BTC: variants seen among roughly 807,000 people sequenced by gnomAD.
BTC encodes the protein betacellulin, also known as probetacellulin.
BTC carries 13 observed loss-of-function variants against 18.1 expected under a neutral mutation model. That is an observed-to-expected ratio of 0.72 (90% CI 0.47 to 1.14). The LOEUF (loss-of-function observed/expected upper bound fraction) is 1.14, where lower values mean the gene tolerates loss of function less well. Among genes scored for constraint, BTC ranks in the 50% most tolerant of loss-of-function variants. BTC has a pLI of 0.00. For synonymous variants in BTC, 83 were observed against 79.4 expected (o/e 1.05, Z -0.24); for missense variants, 247 against 224.2 (o/e 1.10, Z -0.65).
intron 1 of BTC, among the ~76,000 whole-genome samples, chr4:74,779,301 A>C: frequency 6.6e-6 from 1 of 152,198 alleles, no homozygotes; most frequent in East Asian, 1.9e-4. Flanking sequence ...CAGGTATCTG[A>C]AAACTGTCAA....
chr4:74,763,239 G>A (rs916805091), intron 2 of BTC, among the ~76,000 whole-genome samples: 3 of 152,032 alleles, frequency 2.0e-5, no homozygotes, highest in African/African-American at 7.2e-5. Context: ...TTTAAGCAAA[G>A]TGATCTTCCA....
At chr4:74,763,651 G>C (rs1310249609) in intron 2 of BTC, among the ~76,000 whole-genome samples, 2 of 152,024 alleles carry the variant, frequency 1.3e-5, no homozygotes, top group Non-Finnish European at 2.9e-5. Context: ...TACAACAGTA[G>C]TGAGAAAAAA....
intron 1 of BTC, among the ~76,000 whole-genome samples, chr4:74,793,772 G>A (rs1402736285): frequency 6.6e-6 from 1 of 152,092 alleles, no homozygotes; most frequent in Non-Finnish European, 1.5e-5. Flanking sequence ...AACGCCAGGT[G>A]ATCACACCTT....
chr4:74,773,392 A>C (rs943099548), intron 1 of BTC, among the ~76,000 whole-genome samples: 10 of 152,166 alleles, frequency 6.6e-5, no homozygotes, highest in Non-Finnish European at 2.9e-5. Context: ...TGTGATCTGT[A>C]AAAAGAGACT....
At chr4:74,778,258 A>G (rs1725229163) in intron 1 of BTC, among the ~76,000 whole-genome samples, 1 of 152,096 alleles carries the variant, frequency 6.6e-6, no homozygotes, top group Non-Finnish European at 1.5e-5. Flanking sequence ...TTTTGTTTCT[A>G]AATGTATTTG....
Position 74,782,295 on chromosome 4 carries a change from C to A in BTC, c.64+11967G>T, listed in dbSNP as rs371701013. On this transcript the variant is annotated intron_variant, in intron 1 of 5. Transcript: ENST00000395743. ...GACAGGCCCCAGTGTGTGTTGTTAC[C>A]CACTATGTGTCCATGTGTTCACATC... 2.1e-4 allele frequency among the ~76,000 whole-genome samples: 32 copies of A among 152,184 alleles called. No homozygotes were observed. In the South Asian group the frequency reaches 6.2e-3, roughly 30 times the overall value.
At chr4:74,753,778 A>T (rs1255300108) in intron 3 of BTC, among the ~76,000 whole-genome samples, 1 of 152,106 alleles carries the variant, frequency 6.6e-6, no homozygotes, top group African/African-American at 2.4e-5. Flanking sequence ...TTAGCCTAGG[A>T]GTTTGAGTCT....
At chr4:74,778,848 G>A (rs530494264) in intron 1 of BTC, among the ~76,000 whole-genome samples, 2 of 152,292 alleles carry the variant, frequency 1.3e-5, no homozygotes, top group Admixed American at 1.3e-4. Context: ...AAGACTCTTA[G>A]GAGGTGCACA....
intron 4 of BTC, 142 bp downstream of exon 4, chr4:74,750,431 T>C: frequency 1.3e-6 from 1 of 793,734 alleles, no homozygotes; most frequent in South Asian, 2.2e-5. Flanking sequence ...TACTTCTATA[T>C]CAACAATGGC....
In BTC at chr4:74,778,027, G is replaced by A. The variant is rs78059478; in HGVS notation, c.65-7871C>T. Among the ~76,000 whole-genome samples the A allele has an allele frequency of 3.5e-3, 531 of 150,508 alleles. 3 individuals are homozygous for A. The highest frequency in any genetic ancestry group is 0.012 in the African/African-American group (490 of 40,340). On this transcript the variant is annotated intron_variant, in intron 1 of 5. Transcript: ENST00000395743. ...AGTCCAAAAAGAGACCCTATCTAAC[G>A]TGGAGTTTGAAAAAAAAAATAGGGA... is the stretch of plus-strand genomic sequence containing the variant.
chr4:74,748,284 C>CA (rs1245270832), intron 4 of BTC, 135 bp from the exon 5 acceptor site: 8 of 511,258 alleles, frequency 1.6e-5, no homozygotes, highest in East Asian at 1.4e-4. Flanking sequence ...CGCAGTGGCT[C>CA]ACGCCTGTAA....
chr4:74,761,329 C>T (rs1724751897), intron 2 of BTC, among the ~76,000 whole-genome samples: 1 of 152,152 alleles, frequency 6.6e-6, no homozygotes, highest in African/African-American at 2.4e-5. Flanking sequence ...TCCTCGCCTC[C>T]CTGAACCTCT....
intron 5 of BTC, 65 bp from the exon 6 acceptor site, chr4:74,746,740 T>C (rs1340440217): frequency 6.6e-6 from 1 of 152,434 alleles, no homozygotes; most frequent in African/African-American, 2.4e-5. Flanking sequence ...ATAATAATAA[T>C]TTAAAAATCC....
intron 1 of BTC, among the ~76,000 whole-genome samples, chr4:74,781,745 T>A (rs1217178253): frequency 2.0e-5 from 3 of 152,066 alleles, no homozygotes; most frequent in Non-Finnish European, 2.9e-5. Flanking sequence ...AAATTTATTA[T>A]CCTAACCTTT....
rs984674486 is a variant in BTC, at chr4:74,794,446, G to A, written c.-121C>T. ...ACTAATCCCGGAGGCAGAAGGAAAC[G>A]AAACTACTTCCCAGGCTGGCACCCT... is the stretch of plus-strand genomic sequence containing the variant. On this transcript the variant is annotated 5_prime_UTR_variant, in exon 1 of 6. Transcript: ENST00000395743. 6 of 1,125,534 alleles carry A rather than the reference G, an allele frequency of 5.3e-6. No homozygotes were observed. Among genetic ancestry groups the A allele is most frequent in the African/African-American group, 3.2e-5 (2 of 62,162 alleles). The allele number at this position is 1,125,534 out of a possible 1,614,324, so 69.7% of individuals were successfully genotyped here. A position where few individuals can be genotyped will look rare whatever the true frequency, so the allele number is the denominator to read the frequency against.
chr4:74,778,263 T>C (rs1187460363), intron 1 of BTC, among the ~76,000 whole-genome samples: 1 of 152,184 alleles, frequency 6.6e-6, no homozygotes, highest in African/African-American at 2.4e-5. Flanking sequence ...TTTCTAAATG[T>C]ATTTGCTTTC....
At chr4:74,782,416 A>C (rs1725356144) in intron 1 of BTC, among the ~76,000 whole-genome samples, 1 of 152,150 alleles carries the variant, frequency 6.6e-6, no homozygotes, top group African/African-American at 2.4e-5. Flanking sequence ...TTTCATGTCC[A>C]TGCAAAGACA....
intron 2 of BTC, among the ~76,000 whole-genome samples, chr4:74,766,757 G>A (rs1015563339): frequency 1.3e-5 from 2 of 151,966 alleles, no homozygotes; most frequent in Non-Finnish European, 2.9e-5. Context: ...CTCATTTTAC[G>A]AAGCCAGCAT....
chr4:74,785,678 T>G (rs746807884), intron 1 of BTC, among the ~76,000 whole-genome samples: 1 of 152,224 alleles, frequency 6.6e-6, no homozygotes, highest in Non-Finnish European at 1.5e-5. Flanking sequence ...AGTTGCAAAG[T>G]GCAGGGAATT....
Sources: gnomAD v4.1 joint callset for allele counts (sites outside exome capture counted in the v4.1 genomes callset) on GRCh38, gnomAD v4.1.1 for gene constraint, MANE v1.5 for transcripts, NCBI Gene and HGNC (gene_info 2026-07-23, HGNC 2026-07-21) for gene names.